The following AHCTF1 variants were observed in gnomAD, a reference collection of about 807,000 sequenced individuals.
AHCTF1 encodes AT-hook containing transcription factor 1, also known as protein ELYS.
Under a neutral mutation model 248.4 loss-of-function variants are expected in AHCTF1, and 24 were observed. The observed-to-expected ratio is 0.10, with a 90% CI of 0.07 to 0.14. The LOEUF is 0.14. Among genes scored for constraint, AHCTF1 ranks in the 10% least tolerant of loss-of-function variants. The pLI is 1.00. For missense variants in AHCTF1, 2,206 were observed against 2,636.2 expected, an observed-to-expected ratio of 0.84 and a Z score of 3.57; for synonymous variants, 786 against 929.8, an observed-to-expected ratio of 0.85 and a Z score of 2.81.
chr1:246,846,694 A>G (rs1291819908), intron 33 of AHCTF1, among the ~76,000 whole-genome samples: 1 of 152,098 alleles, frequency 6.6e-6, no homozygotes, highest in African/African-American at 2.4e-5. Flanking sequence ...TATGAAAAAA[A>G]AAGAAATATT....
chr1:246,899,396 C>G lies in AHCTF1; in HGVS notation c.1494+55G>C, dbSNP rs1664839017. 4.3e-6 allele frequency: 6 copies of G among 1,388,034 alleles called. No individual in the cohort carries two copies. In the South Asian group the frequency reaches 6.5e-5, roughly 15 times the overall value. 86.0% of individuals were successfully genotyped at this position (1,388,034 alleles called of 1,614,324 possible). ...AGTAAAACTTAAATCCATAAATCAACTATATTCTAAGATCTGACTTCAGTT... is the reference window on the plus strand; with the variant it reads ...AGTAAAACTTAAATCCATAAATCAAGTATATTCTAAGATCTGACTTCAGTT... On this transcript the variant is annotated intron_variant, in intron 11 of 35. Coordinates refer to ENST00000648844, the MANE Select transcript of AHCTF1 (RefSeq NM_001323342.2).
intron 24 of AHCTF1, among the ~76,000 whole-genome samples, chr1:246,869,211 C>T (rs979886082): frequency 6.6e-6 from 1 of 152,062 alleles, no homozygotes. Flanking sequence ...CTACTGGCAC[C>T]ATTTTTCCAA....
chr1:246,882,285 C>T (rs549270211), intron 21 of AHCTF1, among the ~76,000 whole-genome samples: 1 of 152,278 alleles, frequency 6.6e-6, no homozygotes, highest in South Asian at 2.1e-4. Context: ...GCATGAGCCA[C>T]CGCACCTGGC....
chr1:246,868,934 T>A (rs1245006331), intron 24 of AHCTF1, among the ~76,000 whole-genome samples: 2 of 148,250 alleles, frequency 1.3e-5, no homozygotes, highest in East Asian at 2.0e-4. Context: ...AAGTTCTGCC[T>A]CCCGGGTTCA....
rs143718915 is a variant in AHCTF1 at position 246,882,666 on chromosome 1, T to C, written c.2660+2827A>G. ...GAAAAATTATGCCTATACAAAAGGA[T>C]TTTTTGGCTTTCTTGTACATTTATG... On this transcript the variant is annotated intron_variant, in intron 21 of 35. Coordinates refer to ENST00000648844, the MANE Select transcript of AHCTF1 (RefSeq NM_001323342.2). 5.3e-4 allele frequency among the ~76,000 whole-genome samples: 81 copies of C among 152,286 alleles called. No homozygotes were observed. In the East Asian group the frequency reaches 0.014, roughly 26 times the overall value.
At position 246,913,476 on chromosome 1, in the gene AHCTF1, A is replaced by C. The variant is rs565712480; in HGVS notation, c.376-64T>G. The C allele has an allele frequency of 8.8e-6, 13 of 1,482,742 alleles. No homozygotes were observed. In the African/African-American group the frequency reaches 1.8e-4, roughly 21 times the overall value. The allele number at this position is 1,482,742 out of a possible 1,614,324, so 91.8% of individuals were successfully genotyped here. The stretch of plus-strand genomic sequence containing the variant: ...AGTAAGAAAATATAATTAACACAAT[A>C]AATTTAAGTTAAAGCAGGTTATCAG... On this transcript the variant is annotated intron_variant, in intron 3 of 35. Coordinates refer to ENST00000648844, the MANE Select transcript of AHCTF1 (RefSeq NM_001323342.2).
chr1:246,840,841 A>G lies in AHCTF1; in HGVS notation c.6766T>C (p.Tyr2256His). Residue 2256 changes from tyrosine to histidine, a missense_variant, in exon 36 of 36, where the codon TAT becomes CAT. Tyr to His is a moderately conservative substitution (Grantham distance 83). This residue lies in a region of AHCTF1 where 469 missense variants were observed against 470.0 expected (regional missense o/e 1.00). Coordinates refer to ENST00000648844, the MANE Select transcript of AHCTF1 (RefSeq NM_001323342.2). ...TTTCTGCGTAAAATTTGCTTTGGAT[A>G]GGAAGACAGTTTCTTTCTGTTCCTT... Reference protein sequence around the residue: ...LGRNRKKLSSYPKQILRRKML With the variant: ...LGRNRKKLSSHPKQILRRKML The G allele has an allele frequency of 6.2e-7, 1 of 1,604,662 alleles. No individual in the cohort carries two copies. The highest frequency in any genetic ancestry group is 8.5e-7 in the Non-Finnish European group (1 of 1,177,554).
chr1:246,864,173 T>A, intron 26 of AHCTF1, 57 bp from the exon 27 acceptor site: 5 of 1,521,726 alleles, frequency 3.3e-6, no homozygotes, highest in Non-Finnish European at 4.5e-6. Context: ...GAATTTAGTA[T>A]CCCATTTAAT....
chr1:246,921,875 G>C (rs1421706160), intron 1 of AHCTF1, among the ~76,000 whole-genome samples: 1 of 152,192 alleles, frequency 6.6e-6, no homozygotes, highest in African/African-American at 2.4e-5. Flanking sequence ...AGATCAGATA[G>C]AAGGTCTGAG....
intron 16 of AHCTF1, among the ~76,000 whole-genome samples, chr1:246,890,373 A>G (rs917274469): frequency 4.6e-5 from 7 of 152,186 alleles, no homozygotes; most frequent in Non-Finnish European, 8.8e-5. Flanking sequence ...AAAATCTAAG[A>G]GAATTATGAA....
At chr1:246,849,290 G>C (rs780715605) in intron 33 of AHCTF1, among the ~76,000 whole-genome samples, 20 of 152,116 alleles carry the variant, frequency 1.3e-4, no homozygotes, top group Non-Finnish European at 2.8e-4. Flanking sequence ...AGCAGTACAT[G>C]GGAGATTAAA....
Position 246,862,119 on chromosome 1 carries a change from G to T in AHCTF1, c.3575C>A (p.Ser1192Tyr). Reference protein sequence around the residue: ...AKSLAMSVTTSGFSEFTPQSI... With the variant: ...AKSLAMSVTTYGFSEFTPQSI... ...CTGAGGAGTGAACTCAGAAAATCCA[G>T]AAGTAGTAACTGACATGGCCAAACT... The change falls in exon 28 of 36, where the codon TCT becomes TAT. Residue 1192 changes from serine to tyrosine, a missense_variant. Ser to Tyr is a moderately radical substitution (Grantham distance 144, BLOSUM62 -2). Coordinates refer to ENST00000648844, the MANE Select transcript of AHCTF1 (RefSeq NM_001323342.2). The T allele has an allele frequency of 1.9e-6, 3 of 1,607,224 alleles. No homozygotes were observed. Among genetic ancestry groups the T allele is most frequent in the Non-Finnish European group, 2.5e-6 (3 of 1,178,034 alleles).
intron 35 of AHCTF1, 39 bp from the exon 36 acceptor site, chr1:246,841,037 T>C (rs191629276): frequency 1.3e-6 from 2 of 1,529,482 alleles, no homozygotes; most frequent in Non-Finnish European, 1.8e-6. Flanking sequence ...AATAAACACA[T>C]TATGCTATAA....
At chr1:246,879,355 A>G (rs1663225644) in intron 21 of AHCTF1, among the ~76,000 whole-genome samples, 1 of 152,204 alleles carries the variant, frequency 6.6e-6, no homozygotes, top group Non-Finnish European at 1.5e-5. Context: ...ACCTTGATGG[A>G]GGGTAATTTG....
At chr1:246,860,774 G>T in intron 29 of AHCTF1, 125 bp downstream of exon 29, 1 of 1,303,638 alleles carries the variant, frequency 7.7e-7, no homozygotes, top group Non-Finnish European at 1.0e-6. Flanking sequence ...CCAAAGTGCT[G>T]AGATTAACTA....
Position 246,913,261 on chromosome 1 carries a change from G to A in AHCTF1, c.527C>T (p.Ser176Leu). 6.2e-7 allele frequency: 1 copy of A among 1,609,792 alleles called. No individual in the cohort carries two copies. ...TGCTTCAACTTCATTTTGATTGCAT[G>A]ACAAGTCATCCAAACATAGGTCAAC... is the stretch of plus-strand genomic sequence containing the variant. ...LLVDLCLDDL[S>L]CNQNEVEASD... Residue 176 changes from serine to leucine, a missense_variant, in exon 4 of 36, where the codon TCA becomes TTA. Ser to Leu is a moderately radical substitution (Grantham distance 145). Around this residue, in one of 6 missense-constraint regions of AHCTF1, gnomAD observed 650 missense variants for 870.8 expected, o/e 0.75. Coordinates refer to ENST00000648844, the MANE Select transcript of AHCTF1 (RefSeq NM_001323342.2).
intron 1 of AHCTF1, among the ~76,000 whole-genome samples, chr1:246,920,180 C>T (rs1666437446): frequency 7.2e-6 from 1 of 137,960 alleles, no homozygotes; most frequent in Non-Finnish European, 1.6e-5. Context: ...AAAAGAAGCT[C>T]ACAGTCCAAA....
At position 246,927,280 on chromosome 1, in the gene AHCTF1, G is replaced by A. The variant is rs753861669; in HGVS notation, c.-8+4298C>T. ...GGAGAATGGCTGAGGTCAGGAGTTG[G>A]TTAGAGACCAGTCTGGCCAACATGG... On this transcript the variant is annotated intron_variant, in intron 1 of 35. Transcript: ENST00000648844. Among the ~76,000 whole-genome samples the A allele has an allele frequency of 6.6e-5, 10 of 152,160 alleles. 1 individual carries two copies. The highest frequency in any genetic ancestry group is 1.3e-4 in the Non-Finnish European group (9 of 68,022).
rs114426926 is a variant in AHCTF1, at chr1:246,856,378, T to C, written c.4257-551A>G. Among the ~76,000 whole-genome samples the C allele has an allele frequency of 6.7e-3, 1,014 of 152,288 alleles. 7 individuals are homozygous for C. Among genetic ancestry groups the C allele is most frequent in the African/African-American group, 0.022 (930 of 41,566 alleles). ...AATTAAAGCATGCTAATTTTGAAAA[T>C]TACAACAAATAGTATTTGAAAGTAA... On this transcript the variant is annotated intron_variant, in intron 30 of 35. Transcript: ENST00000648844.
Sources: gnomAD v4.1 joint callset for allele counts (sites outside exome capture counted in the v4.1 genomes callset) on GRCh38, gnomAD v4.1.1 for gene constraint, gnomAD v4.1.1 regional missense constraint, MANE v1.5 for transcripts, NCBI Gene and HGNC (gene_info 2026-07-23, HGNC 2026-07-21) for gene names.